OR3A2: variants seen among roughly 807,000 people sequenced by gnomAD.
The protein encoded by OR3A2 is olfactory receptor family 3 subfamily A member 2.
For missense variants in OR3A2, 318 were observed against 392.8 expected (o/e 0.81, Z 1.61); for synonymous variants, 126 against 159.3 (o/e 0.79, Z 1.57).
intron 3 of OR3A2, among the ~76,000 whole-genome samples, chr17:3,324,744 C>T (rs2049156176): frequency 6.6e-6 from 1 of 151,986 alleles, no homozygotes; most frequent in Non-Finnish European, 1.5e-5. Context: ...AGTACCCGGC[C>T]GTGTGAGGTG....
rs1402228418 is a variant in OR3A2 at position 3,312,241 on chromosome 17, CAT to C, written c.-85+23790_-85+23791del. 4.6e-5 allele frequency among the ~76,000 whole-genome samples: 7 copies of C among 152,068 alleles called. No homozygotes were observed. In the East Asian group the frequency reaches 1.2e-3, roughly 25 times the overall value. On this transcript the variant is annotated intron_variant, in intron 3 of 4. Coordinates refer to the OR3A2 transcript ENST00000573491. ...TAATTTAATGATTGTTCAATTGAAA[CAT>C]ATATAAAATGTTAATAAAAATGAAA...
intron 2 of OR3A2, among the ~76,000 whole-genome samples, chr17:3,365,758 A>C (rs1313341170): frequency 1.3e-5 from 2 of 152,200 alleles, no homozygotes; most frequent in Admixed American, 6.5e-5. Flanking sequence ...CACAGCCTCA[A>C]CCTAACTGCA....
At chr17:3,294,090 G>A (rs767484488) in intron 3 of OR3A2, among the ~76,000 whole-genome samples, 2 of 151,818 alleles carry the variant, frequency 1.3e-5, no homozygotes, top group Non-Finnish European at 1.5e-5. Context: ...TGCATGTCCT[G>A]CACATGTACC....
intron 3 of OR3A2, among the ~76,000 whole-genome samples, chr17:3,334,327 T>C (rs1413080951): frequency 6.6e-6 from 1 of 152,212 alleles, no homozygotes; most frequent in Non-Finnish European, 1.5e-5. Flanking sequence ...TGGCCTCTGG[T>C]AACCACTATT....
chr17:3,359,647 T>C (rs1340446121), intron 2 of OR3A2, among the ~76,000 whole-genome samples: 1 of 151,724 alleles, frequency 6.6e-6, no homozygotes, highest in Non-Finnish European at 1.5e-5. Flanking sequence ...AGGTCTGCTG[T>C]TAGCCTAATG....
At chr17:3,356,038 T>C (rs1233097838) in intron 2 of OR3A2, among the ~76,000 whole-genome samples, 27 of 151,400 alleles carry the variant, frequency 1.8e-4, no homozygotes, top group Non-Finnish European at 3.8e-4. Flanking sequence ...AAATACTGTC[T>C]CATAACCCAT....
chr17:3,381,794 T>C (rs1249464027), intron 2 of OR3A2, among the ~76,000 whole-genome samples: 9 of 152,314 alleles, frequency 5.9e-5, no homozygotes, highest in East Asian at 5.8e-4. Context: ...AAGCTCGCCC[T>C]GCTCAAATGC....
chr17:3,371,563 G>A (rs1184623712), intron 2 of OR3A2, among the ~76,000 whole-genome samples: 11 of 137,668 alleles, frequency 8.0e-5, no homozygotes, highest in Admixed American at 1.4e-4. Context: ...CTGGCCGGGC[G>A]GGGGGCTGAT....
At chr17:3,340,231 T>G (rs1428698319) in intron 2 of OR3A2, among the ~76,000 whole-genome samples, 1 of 152,218 alleles carries the variant, frequency 6.6e-6, no homozygotes, top group Non-Finnish European at 1.5e-5. Flanking sequence ...CTGGATTCAC[T>G]GATTTTTTTG....
At chr17:3,292,260 T>A (rs369569545) in intron 3 of OR3A2, 1 of 1,613,664 alleles carries the variant, frequency 6.2e-7, no homozygotes, top group African/African-American at 1.3e-5. Flanking sequence ...AACGAACAGA[T>A]GGAAGAAGAA....
At chr17:3,326,273 T>G (rs547021430) in intron 3 of OR3A2, among the ~76,000 whole-genome samples, 1 of 152,108 alleles carries the variant, frequency 6.6e-6, no homozygotes, top group Non-Finnish European at 1.5e-5. Flanking sequence ...ATCTTTATAA[T>G]AGAATGATTT....
At chr17:3,294,074 C>T (rs1365352945) in intron 3 of OR3A2, among the ~76,000 whole-genome samples, 2 of 151,848 alleles carry the variant, frequency 1.3e-5, no homozygotes, top group Non-Finnish European at 2.9e-5. Flanking sequence ...ACCTATGTGA[C>T]AAACCTGCAT....
chr17:3,331,093 G>A (rs2150642121), intron 3 of OR3A2, among the ~76,000 whole-genome samples: 1 of 152,328 alleles, frequency 6.6e-6, no homozygotes, highest in Non-Finnish European at 1.5e-5. Context: ...CTGTTAGTCT[G>A]ATGGGCTTCC....
At chr17:3,319,396 T>C (rs1041933948) in intron 3 of OR3A2, among the ~76,000 whole-genome samples, 2 of 152,164 alleles carry the variant, frequency 1.3e-5, no homozygotes, top group Non-Finnish European at 2.9e-5. Flanking sequence ...ATTATTATAC[T>C]TTAAGTTTTA....
chr17:3,323,314 T>G (rs573988764), intron 3 of OR3A2, among the ~76,000 whole-genome samples: 1 of 152,228 alleles, frequency 6.6e-6, no homozygotes, highest in East Asian at 1.9e-4. Flanking sequence ...TTTATCCAAT[T>G]TGCCAGTCTG....
At chr17:3,341,607 C>T (rs1290199581) in intron 2 of OR3A2, among the ~76,000 whole-genome samples, 1 of 152,200 alleles carries the variant, frequency 6.6e-6, no homozygotes, top group Non-Finnish European at 1.5e-5. Context: ...TCTCTTCTGG[C>T]TTGTAGAGTT....
At chr17:3,333,467 C>T (rs578065288) in intron 3 of OR3A2, among the ~76,000 whole-genome samples, 1 of 152,088 alleles carries the variant, frequency 6.6e-6, no homozygotes, top group African/African-American at 2.4e-5. Context: ...TCTTTGTGAC[C>T]TACTCCCTGT....
At chr17:3,353,051 T>C (rs918234336) in intron 2 of OR3A2, among the ~76,000 whole-genome samples, 4 of 151,808 alleles carry the variant, frequency 2.6e-5, no homozygotes, top group African/African-American at 9.7e-5. Context: ...ACTGTTAGCA[T>C]ATAGATATGC....
intron 3 of OR3A2, among the ~76,000 whole-genome samples, chr17:3,315,505 C>T (rs746570468): frequency 4.6e-5 from 7 of 152,062 alleles, no homozygotes; most frequent in Non-Finnish European, 2.9e-5. Flanking sequence ...AGCGTCTGTT[C>T]ATGTTCTTTG....
Sources: allele counts gnomAD v4.1 joint callset (sites outside exome capture counted in the v4.1 genomes callset), GRCh38; gene constraint gnomAD v4.1.1; transcripts MANE v1.5; gene names NCBI Gene and HGNC (gene_info 2026-07-23, HGNC 2026-07-21).